The following OTUD7B variants were observed in gnomAD, a reference collection of about 807,000 sequenced individuals.
The protein encoded by OTUD7B is OTU domain-containing protein 7B.
Under a neutral mutation model 82.2 loss-of-function variants are expected in OTUD7B, and 34 were observed. That is an observed-to-expected ratio of 0.41 (90% CI 0.31 to 0.55). The LOEUF is 0.55. OTUD7B is among the 20% of genes least tolerant of loss of function. The probability of loss-of-function intolerance (pLI) is 0.20; values close to 1 mark genes in which losing one functional copy is unlikely to be tolerated. For missense variants in OTUD7B, 944 were observed against 1,062.1 expected (o/e 0.89, Z 1.55); for synonymous variants, 398 against 402.7 (o/e 0.99, Z 0.14).
At chr1:149,977,244 G>A (rs1650386573) in intron 2 of OTUD7B, among the ~76,000 whole-genome samples, 182 bp downstream of exon 2, 1 of 152,180 alleles carries the variant, frequency 6.6e-6, no homozygotes, top group Non-Finnish European at 1.5e-5. Context: ...AGTTCAAGGT[G>A]AAAAAGGGAT....
At chr1:150,007,885 C>T (rs1333428485) in intron 1 of OTUD7B, among the ~76,000 whole-genome samples, 5 of 152,162 alleles carry the variant, frequency 3.3e-5, no homozygotes, top group Admixed American at 3.3e-4. Context: ...GCTGAGGTCA[C>T]ATTTCAAAGC....
At chr1:149,984,158 C>T (rs1650977111) in intron 1 of OTUD7B, among the ~76,000 whole-genome samples, 1 of 152,138 alleles carries the variant, frequency 6.6e-6, no homozygotes, top group Non-Finnish European at 1.5e-5. Context: ...CTATCCCATA[C>T]CTTCACCATG....
At chr1:149,958,322 C>CTT (rs34299927) in intron 7 of OTUD7B, among the ~76,000 whole-genome samples, 5,177 of 86,210 alleles carry the variant, frequency 0.06, 861 homozygotes, top group African/African-American at 0.077. Flanking sequence ...AAAGGACTAC[C>CTT]TTTTTTTTTT....
chr1:150,021,157 G>T, the OTUD7B span, among the ~76,000 whole-genome samples: 1 of 152,022 alleles, frequency 6.6e-6, no homozygotes, highest in African/African-American at 2.4e-5. Context: ...CCTAACAATT[G>T]TTTTTAAAAT....
upstream of OTUD7B, among the ~76,000 whole-genome samples, chr1:150,012,122 A>G (rs587728945): frequency 2.2e-3 from 337 of 152,360 alleles, no homozygotes; most frequent in Non-Finnish European, 3.9e-3. Context: ...CTTCAAGCGT[A>G]TAAGGGACCA....
Position 149,971,115 on chromosome 1 carries a change from C to A in OTUD7B, c.222G>T (p.Glu74Asp), listed in dbSNP as rs782740404. The stretch of plus-strand genomic sequence containing the variant: ...GGATGGGTCGGGGAGGGCGAGTAGG[C>A]TCTCTGTCAGAAAACCCTTTTTCAG... Reference protein sequence around the residue: ...RTPEKGFSDREPTRPPRPILQ... With the variant: ...RTPEKGFSDRDPTRPPRPILQ... The change falls in exon 3 of 12, where the codon GAG (glutamate) becomes GAT (aspartate). Residue 74 changes from glutamate to aspartate, a missense_variant. Around this residue, in one of 3 missense-constraint regions of OTUD7B, gnomAD observed 530 missense variants for 625.6 expected, o/e 0.85. Coordinates refer to ENST00000581312, the MANE Select transcript of OTUD7B (RefSeq NM_020205.4). The A allele has an allele frequency of 3.7e-6, 6 of 1,613,426 alleles. No homozygotes were observed. Among genetic ancestry groups the A allele is most frequent in the Non-Finnish European group, 5.1e-6 (6 of 1,179,482 alleles).
intron 1 of OTUD7B, among the ~76,000 whole-genome samples, chr1:149,993,021 C>T (rs1553782506): frequency 6.6e-6 from 1 of 152,030 alleles, no homozygotes; most frequent in Admixed American, 6.6e-5. Flanking sequence ...CATGGTGGCA[C>T]GTGCCTATAA....
intron 7 of OTUD7B, among the ~76,000 whole-genome samples, chr1:149,951,290 G>C (rs1397549221): frequency 2.7e-5 from 4 of 150,876 alleles, no homozygotes; most frequent in African/African-American, 9.8e-5. Flanking sequence ...ATTTTTAGTA[G>C]AGACGGGGTT....
At chr1:150,019,017 GA>G in the OTUD7B span, among the ~76,000 whole-genome samples, 1 of 152,064 alleles carries the variant, frequency 6.6e-6, no homozygotes, top group Admixed American at 6.6e-5. Flanking sequence ...TATTCCTATG[GA>G]ATACCCCGAT....
chr1:150,013,427 A>C (rs587706616), upstream of OTUD7B, among the ~76,000 whole-genome samples: 2 of 152,188 alleles, frequency 1.3e-5, no homozygotes, highest in Non-Finnish European at 2.9e-5. Context: ...GCAGGGAAAA[A>C]AACTATTTAC....
chr1:149,984,144 G>C (rs1213421644), intron 1 of OTUD7B, among the ~76,000 whole-genome samples: 3 of 151,926 alleles, frequency 2.0e-5, no homozygotes, highest in Non-Finnish European at 4.4e-5. Flanking sequence ...AATCTTCTGA[G>C]CTACTATCCC....
chr1:149,947,874 A>G (rs1302107263), intron 10 of OTUD7B, among the ~76,000 whole-genome samples: 1 of 152,172 alleles, frequency 6.6e-6, no homozygotes, highest in African/African-American at 2.4e-5. Context: ...AAGGCTTAAC[A>G]AGCCACAGGG....
the OTUD7B span, among the ~76,000 whole-genome samples, chr1:150,048,837 T>A: frequency 1.3e-5 from 2 of 149,850 alleles, no homozygotes; most frequent in Non-Finnish European, 3.0e-5. Flanking sequence ...TTTGTTTCAT[T>A]AAAAAAAAAA....
the OTUD7B span, among the ~76,000 whole-genome samples, chr1:150,038,267 C>A: frequency 1.8e-3 from 278 of 152,076 alleles, 1 homozygote; most frequent in Non-Finnish European, 2.6e-3. Context: ...TTTTCCATAC[C>A]CTTTTCTCTT....
At chr1:149,948,827 C>T in intron 10 of OTUD7B, 142 bp downstream of exon 10, 1 of 610,896 alleles carries the variant, frequency 1.6e-6, no homozygotes, top group Middle Eastern at 2.9e-4. Flanking sequence ...TGCCCAACCT[C>T]TCCTCTACCT....
At chr1:150,047,585 A>C in the OTUD7B span, 1 of 152,138 alleles carries the variant, frequency 6.6e-6, no homozygotes, top group East Asian at 1.9e-4. Flanking sequence ...TCCTCTATAA[A>C]TCCTCTAGTA....
intron 4 of OTUD7B, among the ~76,000 whole-genome samples, chr1:149,966,492 T>A (rs1268890410): frequency 6.6e-6 from 1 of 152,190 alleles, no homozygotes; most frequent in Non-Finnish European, 1.5e-5. Context: ...GTGTGGGGTG[T>A]GACTTTAAAG....
chr1:149,970,963 A>T (rs1241893517), intron 3 of OTUD7B, 100 bp downstream of exon 3: 2 of 1,140,786 alleles, frequency 1.8e-6, no homozygotes, highest in African/African-American at 3.1e-5. Flanking sequence ...AAGGGGAAGA[A>T]ATGGAATCAC....
At chr1:150,031,639 A>C in the OTUD7B span, among the ~76,000 whole-genome samples, 2 of 152,220 alleles carry the variant, frequency 1.3e-5, no homozygotes, top group African/African-American at 4.8e-5. Context: ...TTTTGGTTTT[A>C]ATATAGCATA....
Sources: allele counts gnomAD v4.1 joint callset (sites outside exome capture counted in the v4.1 genomes callset), GRCh38; gene constraint gnomAD v4.1.1; regional missense constraint gnomAD v4.1.1; transcripts MANE v1.5; gene names NCBI Gene and HGNC (gene_info 2026-07-23, HGNC 2026-07-21).